ZNF335: variants seen among roughly 807,000 people sequenced by gnomAD.
ZNF335 encodes the protein NRC-interacting factor 1.
A neutral mutation model predicts 145.6 loss-of-function variants in ZNF335; 84 were observed. The observed-to-expected ratio is 0.58, with a 90% CI of 0.48 to 0.69. The LOEUF (loss-of-function observed/expected upper bound fraction) is 0.69, where lower values mean the gene tolerates loss of function less well. ZNF335 is among the 30% of genes least tolerant of loss of function. ZNF335 has a pLI of 0.00. For missense variants in ZNF335, 1,865 were observed against 1,809.7 expected (o/e 1.03, Z -0.55); for synonymous variants, 761 against 717.0 (o/e 1.06, Z -0.98).
At position 45,971,412 on chromosome 20, in the gene ZNF335, T is replaced by G; in HGVS notation, c.-2A>C. The G allele has an allele frequency of 6.3e-7, 1 of 1,599,956 alleles. No individual in the cohort carries two copies. Among genetic ancestry groups the G allele is most frequent in the Non-Finnish European group, 8.5e-7 (1 of 1,179,706 alleles). On this transcript the variant is annotated 5_prime_UTR_variant, in exon 2 of 28. Coordinates refer to ENST00000322927, the MANE Select transcript of ZNF335 (RefSeq NM_022095.4). ...GCTCTCCACCTCGTTCTCCTCCATCTGATCGGCGGGCTGCCTGACAGCGGG... is the reference window on the plus strand; with the variant it reads ...GCTCTCCACCTCGTTCTCCTCCATCGGATCGGCGGGCTGCCTGACAGCGGG...
In ZNF335 at chr20:45,952,141, A is replaced by G; in HGVS notation, c.3189+6T>C. On this transcript the variant is annotated splice_donor_region_variant and intron_variant, in intron 20 of 27. Coordinates refer to ENST00000322927, the MANE Select transcript of ZNF335 (RefSeq NM_022095.4). ...CAGCAGAGACACAGGAGCAACCAGC[A>G]CCTACCCGGACCTCGGGCCACTGGC... is the stretch of plus-strand genomic sequence containing the variant. 2 of 1,589,780 alleles carry G rather than the reference A, an allele frequency of 1.3e-6. No individual in the cohort carries two copies. The highest frequency in any genetic ancestry group is 1.7e-6 in the Non-Finnish European group (2 of 1,165,982).
At chr20:45,971,526 A>C in intron 1 of ZNF335, 66 bp from the exon 2 acceptor site, 1 of 1,499,008 alleles carries the variant, frequency 6.7e-7, no homozygotes, top group Admixed American at 2.1e-5. Flanking sequence ...AACCACGGCC[A>C]CCCATTTGCA....
Position 45,967,852 on chromosome 20 carries a change from G to A in ZNF335, c.696C>T (p.Ser232=), listed in dbSNP as rs749796250. ...CCACCACCTCCATCATGGCCTCCAG[G>A]CTCTGCAGGTCCGGCTCTTCGGCAC... is the stretch of plus-strand genomic sequence containing the variant. ...ASGAEEPDLQ[S]LEAMMEVVVV... Residue 232 remains serine, a synonymous_variant, in exon 5 of 28, where the codon AGC becomes AGT. Coordinates refer to ENST00000322927, the MANE Select transcript of ZNF335 (RefSeq NM_022095.4). The A allele has an allele frequency of 1.2e-6, 2 of 1,613,440 alleles. No homozygotes were observed. Among genetic ancestry groups the A allele is most frequent in the Admixed American group, 3.3e-5 (2 of 60,028 alleles).
rs760509101 is a variant in ZNF335 at position 45,949,163 on chromosome 20, T to C, written c.3901+7A>G. On this transcript the variant is annotated splice_region_variant and intron_variant, in intron 27 of 27. Coordinates refer to ENST00000322927, the MANE Select transcript of ZNF335 (RefSeq NM_022095.4). Reference sequence around the variant, plus strand: ...AGCCCCATGCTCCTCAGGATCCAGCTCCATACCTGTGACAGCTGAGTGTGC... The same window carrying C: ...AGCCCCATGCTCCTCAGGATCCAGCCCCATACCTGTGACAGCTGAGTGTGC... The C allele has an allele frequency of 6.2e-7, 1 of 1,613,576 alleles. No individual in the cohort carries two copies. The highest frequency in any genetic ancestry group is 2.2e-5 in the East Asian group (1 of 44,864).
intron 10 of ZNF335, chr20:45,961,709 T>G (rs190898985): frequency 6.1e-5 from 12 of 196,642 alleles, no homozygotes; most frequent in Non-Finnish European, 4.2e-5. Context: ...CTGTCTCAGG[T>G]GCACTCTCAG....
Position 45,967,638 on chromosome 20 carries a change from G to C in ZNF335, c.815-4C>G. The C allele has an allele frequency of 6.2e-7, 1 of 1,611,686 alleles. No homozygotes were observed. ...GCTGCTGCTGCGGCTGCTGCTACTG[G>C]AAGTGGAGGGAGGGTAAGACAAGCT... On this transcript the variant is annotated splice_polypyrimidine_tract_variant and splice_region_variant and intron_variant, in intron 5 of 27. Coordinates refer to ENST00000322927, the MANE Select transcript of ZNF335 (RefSeq NM_022095.4).
At chr20:45,968,079 C>A in intron 4 of ZNF335, 52 bp from the exon 5 acceptor site, 1 of 1,605,646 alleles carries the variant, frequency 6.2e-7, no homozygotes. Context: ...GCAGCACTGG[C>A]CATGAGCTAT....
rs548370666 is a variant in ZNF335, at chr20:45,965,117, G to A, written c.1102+511C>T. Among the ~76,000 whole-genome samples, 333 of 151,742 alleles carry A rather than the reference G, an allele frequency of 2.2e-3. 1 individual carries two copies. Among genetic ancestry groups the A allele is most frequent in the African/African-American group, 7.8e-3 (324 of 41,402 alleles). On this transcript the variant is annotated intron_variant, in intron 7 of 27. Coordinates refer to ENST00000322927, the MANE Select transcript of ZNF335 (RefSeq NM_022095.4). ...CAGCTGCCACTGTACTCTTTTGTGT[G>A]TATTTAACCCTTAAGCAATCCTAAA...
chr20:45,963,610 G>A lies in ZNF335; in HGVS notation c.1396C>T (p.Leu466=). ...AAGCGAGAACCACAGATGCGGCACA[G>A]GAAGGGCCTCAAAAGTGGTTTGGGC... ...KSPKPLLRPF[L]CRICGSRFLS... Residue 466 remains leucine (L), a synonymous_variant, in exon 9 of 28, where the codon CTG becomes TTG. Coordinates refer to ENST00000322927, the MANE Select transcript of ZNF335 (RefSeq NM_022095.4). 1 of 1,614,222 alleles carries A rather than the reference G, an allele frequency of 6.2e-7. No individual in the cohort carries two copies. The highest frequency in any genetic ancestry group is 1.1e-5 in the South Asian group (1 of 91,084).
chr20:45,968,274 T>TG lies in ZNF335; in HGVS notation c.520+10dup, dbSNP rs572240762. 3.6e-5 allele frequency: 58 copies of TG among 1,611,462 alleles called. No homozygotes were observed. Among genetic ancestry groups the TG allele is most frequent in the Non-Finnish European group, 4.8e-5 (57 of 1,178,114 alleles). On this transcript the variant is annotated intron_variant, in intron 4 of 27. Coordinates refer to ENST00000322927, the MANE Select transcript of ZNF335 (RefSeq NM_022095.4). ...TGCAGGCCTCCCCGATTCTGGCACCTGGGGTCTTACCATCATCTGGGCCCT... is the reference window on the plus strand; with the variant it reads ...TGCAGGCCTCCCCGATTCTGGCACCTGGGGGTCTTACCATCATCTGGGCCCT...
At chr20:45,951,229 G>A (rs1035303985) in intron 20 of ZNF335, among the ~76,000 whole-genome samples, 6 of 152,232 alleles carry the variant, frequency 3.9e-5, no homozygotes, top group Admixed American at 6.5e-5. Context: ...CTGATAGGGC[G>A]TTCACCTCTG....
intron 9 of ZNF335, among the ~76,000 whole-genome samples, chr20:45,962,741 T>C (rs949630563): frequency 2.7e-5 from 4 of 150,446 alleles, no homozygotes; most frequent in Non-Finnish European, 5.9e-5. Context: ...AGTTACTGCA[T>C]AAAAGGCTCA....
rs999397433 is a variant in ZNF335 at position 45,952,669 on chromosome 20, T to C, written c.2743A>G (p.Ser915Gly). 6 of 1,613,558 alleles carry C rather than the reference T, an allele frequency of 3.7e-6. No homozygotes were observed. The African/African-American group carries it at 5.3e-5, about 14-fold the overall frequency. Residue 915 changes from serine (S) to glycine (G), a missense_variant, in exon 19 of 28, where the codon AGT becomes GGT. Transcript: ENST00000322927. ...GTGCCAGCTTCTTTTAGGGTGTCAC[T>C]CACAACCACAGCCTGGGCTGCCTCT... ...AGEAAQAVVV[S>G]DTLKEAGTHY...
intron 5 of ZNF335, 30 bp downstream of exon 5, chr20:45,967,704 G>C: frequency 1.9e-6 from 3 of 1,608,242 alleles, no homozygotes; most frequent in South Asian, 1.1e-5. Context: ...TACCCATGCA[G>C]TCCAAGCAGG....
rs779415160 is a variant in ZNF335 at position 45,963,791 on chromosome 20, C to G, written c.1302G>C (p.Leu434=). The G allele has an allele frequency of 3.7e-6, 6 of 1,614,160 alleles. No homozygotes were observed. The highest frequency in any genetic ancestry group is 2.2e-5 in the East Asian group (1 of 44,884). ...TGGAAGGTCGACCTCGGCGCCGGGG[C>G]AGAGTGTCATGCTCATCCGGGCAGG... ...APSCPDEHDT[L]PRRRGRPSRR... Residue 434 remains leucine (L), a synonymous_variant, in exon 8 of 28, where the codon CTG becomes CTC. Transcript: ENST00000322927.
Position 45,948,998 on chromosome 20 carries a change from C to G in ZNF335, c.3984G>C (p.Gln1328His), listed in dbSNP as rs764029673. The G allele has an allele frequency of 4.3e-6, 7 of 1,613,972 alleles. No individual in the cohort carries two copies. The highest frequency in any genetic ancestry group is 1.1e-5 in the South Asian group (1 of 91,090). The change falls in exon 28 of 28, where the codon CAG becomes CAC. Residue 1328 changes from glutamine to histidine, a missense_variant. Transcript: ENST00000322927. ...ETVPEHIQQL[Q>H]HQGIEYDVIT... is the part of the protein sequence containing the mutation. The stretch of plus-strand genomic sequence containing the variant: ...TGACGTCGTACTCGATGCCCTGGTG[C>G]TGCAGCTGTTGAATGTGTTCGGGCA...
intron 2 of ZNF335, chr20:45,969,906 G>T: frequency 4.4e-4 from 204 of 462,552 alleles, no homozygotes; most frequent in Middle Eastern, 5.7e-4. Flanking sequence ...TCTCATCAGG[G>T]AATACACAAA....
intron 20 of ZNF335, among the ~76,000 whole-genome samples, chr20:45,950,885 A>C (rs2083618947): frequency 6.6e-6 from 1 of 152,002 alleles, no homozygotes; most frequent in African/African-American, 2.4e-5. Context: ...TGCAGGTCCC[A>C]TCGGGCCCTG....
chr20:45,951,112 A>C (rs2083623389), intron 20 of ZNF335, among the ~76,000 whole-genome samples: 1 of 152,208 alleles, frequency 6.6e-6, no homozygotes, highest in Admixed American at 6.5e-5. Context: ...GGCTGGTCTC[A>C]AACTCCCGAC....
Sources: gnomAD v4.1 joint callset for allele counts (sites outside exome capture counted in the v4.1 genomes callset) on GRCh38, gnomAD v4.1.1 for gene constraint, MANE v1.5 for transcripts, NCBI Gene and HGNC (gene_info 2026-07-23, HGNC 2026-07-21) for gene names.